Variants in THSD7A observed in about 807,000 individuals in gnomAD.
THSD7A encodes thrombospondin type 1 domain containing 7A.
In THSD7A, 96 loss-of-function variants were observed where a neutral mutation model predicts 231.3. The observed-to-expected ratio is 0.41, with a 90% confidence interval of 0.35 to 0.49. The LOEUF is 0.49. Ranked by LOEUF, THSD7A falls within the 20% of genes least tolerant of loss-of-function variation. THSD7A has a pLI of 0.05. For missense variants in THSD7A, 2,290 were observed against 2,070.2 expected, an observed-to-expected ratio of 1.11 and a Z score of -2.06; for synonymous variants, 940 against 743.3, an observed-to-expected ratio of 1.26 and a Z score of -4.30.
chr7:11,718,910 G>A (rs1781243509), intron 1 of THSD7A, among the ~76,000 whole-genome samples: 2 of 151,218 alleles, frequency 1.3e-5, no homozygotes, highest in South Asian at 4.2e-4. Context: ...GGATACTGTT[G>A]AAATAGGGAC....
At chr7:11,423,498 A>G (rs1300503323) in intron 16 of THSD7A, among the ~76,000 whole-genome samples, 1 of 151,662 alleles carries the variant, frequency 6.6e-6, no homozygotes, top group African/African-American at 2.4e-5. Flanking sequence ...CCTCCCGAGT[A>G]GCTGGGACTA....
intron 6 of THSD7A, among the ~76,000 whole-genome samples, chr7:11,514,863 G>C (rs62435234): frequency 6.6e-6 from 1 of 152,004 alleles, no homozygotes; most frequent in African/African-American, 2.4e-5. Context: ...ATGACTGCAC[G>C]AAAGCTCCAA....
intron 1 of THSD7A, among the ~76,000 whole-genome samples, chr7:11,770,128 C>T (rs926628065): frequency 2.0e-5 from 3 of 151,972 alleles, no homozygotes; most frequent in African/African-American, 4.8e-5. Flanking sequence ...AAATAACCAA[C>T]TTTTCATCAT....
intron 6 of THSD7A, among the ~76,000 whole-genome samples, chr7:11,533,596 T>C (rs939055641): frequency 3.3e-5 from 5 of 152,192 alleles, no homozygotes; most frequent in Non-Finnish European, 2.9e-5. Context: ...TGCAGGGACA[T>C]GGATGAAGCT....
chr7:11,523,696 T>A (rs972224983), intron 6 of THSD7A, among the ~76,000 whole-genome samples: 1 of 152,026 alleles, frequency 6.6e-6, no homozygotes, highest in Admixed American at 6.6e-5. Context: ...AACAGAAGAA[T>A]TCACAGGAAT....
At chr7:11,821,311 G>A (rs7807756) in intron 1 of THSD7A, 511,793 of 803,464 alleles carry the variant, frequency 0.64, 165,423 homozygotes, top group Admixed American at 0.79. Flanking sequence ...GAAACCAACA[G>A]TTTTGTTCTT....
At position 11,709,863 on chromosome 7, in the gene THSD7A, A is replaced by G. The variant is rs1584244702; in HGVS notation, c.191-72902T>C. 2.0e-5 allele frequency among the ~76,000 whole-genome samples: 3 copies of G among 150,862 alleles called. No homozygotes were observed. The East Asian group carries it at 5.9e-4, about 30-fold the overall frequency. On this transcript the variant is annotated intron_variant, in intron 1 of 27. Transcript: ENST00000423059. ...CTGCTATCTTTCCATTTGAGACAAA[A>G]GCAGAAAGTAATCTGGCTTCCAAAT...
intron 16 of THSD7A, among the ~76,000 whole-genome samples, chr7:11,420,063 A>G (rs780318712): frequency 1.4e-4 from 22 of 152,240 alleles, no homozygotes; most frequent in Non-Finnish European, 2.1e-4. Flanking sequence ...TTTAAAAAGT[A>G]AGAAGAGCAT....
At chr7:11,464,289 C>T (rs1306714444) in intron 9 of THSD7A, among the ~76,000 whole-genome samples, 1 of 151,698 alleles carries the variant, frequency 6.6e-6, no homozygotes, top group African/African-American at 2.4e-5. Flanking sequence ...GTTTTTGTTT[C>T]CCAGTTGGTC....
intron 1 of THSD7A, among the ~76,000 whole-genome samples, chr7:11,767,887 A>T (rs1783081433): frequency 6.6e-6 from 1 of 152,198 alleles, no homozygotes; most frequent in Admixed American, 6.5e-5. Flanking sequence ...AGAACATTCA[A>T]GGAATAAGGA....
intron 6 of THSD7A, among the ~76,000 whole-genome samples, chr7:11,507,343 A>G (rs1411710221): frequency 6.6e-6 from 1 of 152,184 alleles, no homozygotes; most frequent in Non-Finnish European, 1.5e-5. Flanking sequence ...TCACCAATAC[A>G]AAGATAACTC....
chr7:11,605,378 T>A (rs1347517692), intron 2 of THSD7A, among the ~76,000 whole-genome samples: 1 of 152,104 alleles, frequency 6.6e-6, no homozygotes. Flanking sequence ...TGCTGAAGTT[T>A]AACATCTGCA....
intron 1 of THSD7A, among the ~76,000 whole-genome samples, chr7:11,685,169 A>G (rs1320731558): frequency 6.6e-6 from 1 of 151,970 alleles, no homozygotes; most frequent in Non-Finnish European, 1.5e-5. Flanking sequence ...CTGGCTAACT[A>G]TATGCAGCAG....
intron 1 of THSD7A, among the ~76,000 whole-genome samples, chr7:11,704,455 A>G (rs1780700603): frequency 6.6e-6 from 1 of 150,874 alleles, no homozygotes; most frequent in Non-Finnish European, 1.5e-5. Context: ...CAGGTGGAAT[A>G]CCATCTTAAA....
At chr7:11,479,428 G>A (rs1397365775) in intron 7 of THSD7A, among the ~76,000 whole-genome samples, 1 of 152,104 alleles carries the variant, frequency 6.6e-6, no homozygotes, top group Non-Finnish European at 1.5e-5. Flanking sequence ...TCTCAAATGT[G>A]GCACTTTCCT....
chr7:11,626,707 A>G (rs1459068153), intron 2 of THSD7A, among the ~76,000 whole-genome samples: 1 of 152,138 alleles, frequency 6.6e-6, no homozygotes, highest in Non-Finnish European at 1.5e-5. Context: ...TAAATGGACA[A>G]AAGATGACAC....
intron 7 of THSD7A, among the ~76,000 whole-genome samples, chr7:11,479,687 G>A (rs1786340754): frequency 6.6e-6 from 1 of 152,092 alleles, no homozygotes; most frequent in Admixed American, 6.6e-5. Flanking sequence ...ACAAATAATA[G>A]GTACTAAGTA....
chr7:11,482,189 C>A (rs899738549), intron 6 of THSD7A, among the ~76,000 whole-genome samples: 4 of 152,088 alleles, frequency 2.6e-5, no homozygotes, highest in Non-Finnish European at 2.9e-5. Context: ...CACTCATGAC[C>A]CTAAATGAGG....
At chr7:11,395,591 T>C (rs1297704483) in intron 23 of THSD7A, among the ~76,000 whole-genome samples, 4 of 151,206 alleles carry the variant, frequency 2.6e-5, no homozygotes, top group African/African-American at 9.7e-5. Context: ...GCAGTGGCAC[T>C]ATCTCAGCTC....
Sources: gnomAD v4.1 joint callset for allele counts (sites outside exome capture counted in the v4.1 genomes callset) on GRCh38, gnomAD v4.1.1 for gene constraint, MANE v1.5 for transcripts, NCBI Gene and HGNC (gene_info 2026-07-23, HGNC 2026-07-21) for gene names.